The following TYW1B variants were observed in gnomAD, a reference collection of about 807,000 sequenced individuals.
TYW1B encodes tRNA-yW synthesizing protein 1 homolog B.
TYW1B carries 73 observed loss-of-function variants against 86.9 expected under a neutral mutation model. The ratio of observed to expected loss-of-function variants is 0.84; its 90% CI spans 0.70 to 1.02. The LOEUF (loss-of-function observed/expected upper bound fraction) is 1.02. Among genes scored for constraint, TYW1B ranks in the 50% least tolerant of loss-of-function variants. The pLI is 0.00. For missense variants in TYW1B, 637 were observed against 827.4 expected, an observed-to-expected ratio of 0.77 and a Z score of 2.82; for synonymous variants, 248 against 292.8, an observed-to-expected ratio of 0.85 and a Z score of 1.56.
At chr7:72,669,286 A>T (rs1490253157) in intron 11 of TYW1B, among the ~76,000 whole-genome samples, 1 of 151,664 alleles carries the variant, frequency 6.6e-6, no homozygotes, top group Non-Finnish European at 1.5e-5. Flanking sequence ...CTCAGATCAC[A>T]GGCGCCTGCC....
chr7:72,584,038 A>C (rs1441953983), intron 13 of TYW1B, among the ~76,000 whole-genome samples: 1 of 152,172 alleles, frequency 6.6e-6, no homozygotes, highest in African/African-American at 2.4e-5. Flanking sequence ...AACGGCAAAG[A>C]GAGGCTTTTT....
chr7:72,671,912 A>C (rs1263072191), intron 11 of TYW1B, among the ~76,000 whole-genome samples: 2 of 151,544 alleles, frequency 1.3e-5, no homozygotes, highest in African/African-American at 2.4e-5. Context: ...GAAAAATTCA[A>C]GGAAAGAATA....
chr7:72,731,199 G>A (rs111758389), intron 8 of TYW1B, among the ~76,000 whole-genome samples: 5,928 of 148,726 alleles, frequency 0.04, 147 homozygotes, highest in Non-Finnish European at 0.058. Flanking sequence ...AAAGCCTGTC[G>A]CAGACAAGTA....
intron 11 of TYW1B, among the ~76,000 whole-genome samples, chr7:72,660,559 T>A (rs1813304626): frequency 6.6e-6 from 1 of 152,196 alleles, no homozygotes; most frequent in Non-Finnish European, 1.5e-5. Flanking sequence ...TCCGACACAA[T>A]GATTCTTGTT....
At chr7:72,771,639 T>TG (rs1254415100) in intron 7 of TYW1B, among the ~76,000 whole-genome samples, 6 of 150,878 alleles carry the variant, frequency 4.0e-5, no homozygotes, top group African/African-American at 1.2e-4. Flanking sequence ...ATAACCTGAG[T>TG]GGAAAAGCAG....
intron 11 of TYW1B, among the ~76,000 whole-genome samples, chr7:72,656,345 A>C (rs1339759427): frequency 6.6e-6 from 1 of 152,214 alleles, no homozygotes; most frequent in African/African-American, 2.4e-5. Flanking sequence ...AATTGGAAGA[A>C]GGGATCATTA....
intron 9 of TYW1B, among the ~76,000 whole-genome samples, chr7:72,719,153 T>C (rs1363012135): frequency 2.0e-5 from 3 of 151,812 alleles, no homozygotes; most frequent in Non-Finnish European, 4.4e-5. Flanking sequence ...CAATTATTAT[T>C]ATTTTTTTTT....
At chr7:72,770,892 T>G (rs2129571887) in intron 7 of TYW1B, among the ~76,000 whole-genome samples, 1 of 151,512 alleles carries the variant, frequency 6.6e-6, no homozygotes, top group Middle Eastern at 3.4e-3. Flanking sequence ...AAAAATAGGT[T>G]GAGTTTAAGA....
intron 12 of TYW1B, among the ~76,000 whole-genome samples, chr7:72,628,067 G>A (rs1812393884): frequency 1.3e-5 from 2 of 152,114 alleles, no homozygotes; most frequent in Non-Finnish European, 2.9e-5. Context: ...CGAGGCAGGA[G>A]GGTCGCTTGA....
chr7:72,824,098 TTTAAC>T lies in TYW1B; in HGVS notation c.135+2752_135+2756del, dbSNP rs1293148026. 3.0e-4 allele frequency among the ~76,000 whole-genome samples: 46 copies of T among 151,990 alleles called. 1 individual carries two copies. The highest frequency in any genetic ancestry group is 1.0e-3 in the African/African-American group (43 of 41,424). On this transcript the variant is annotated intron_variant, in intron 2 of 13. Coordinates refer to ENST00000620995, the MANE Select transcript of TYW1B (RefSeq NM_001145440.3). ...GGTTTCCCACCTCCACTGCTTAAGG[TTTAAC>T]TTAACAACTGACCTTCGACTGTAAA...
intron 6 of TYW1B, among the ~76,000 whole-genome samples, chr7:72,788,021 A>C (rs1229300407): frequency 2.6e-5 from 4 of 151,922 alleles, no homozygotes; most frequent in African/African-American, 9.7e-5. Flanking sequence ...ACTGTCGCCC[A>C]GGCTGGAGTG....
At chr7:72,604,219 T>C (rs1454785624) in intron 13 of TYW1B, among the ~76,000 whole-genome samples, 3 of 152,096 alleles carry the variant, frequency 2.0e-5, no homozygotes, top group African/African-American at 4.8e-5. Context: ...TCCCAGCAAT[T>C]TGAGAGGCCA....
intron 11 of TYW1B, among the ~76,000 whole-genome samples, chr7:72,630,422 T>A (rs1812453158): frequency 6.6e-6 from 1 of 151,828 alleles, no homozygotes; most frequent in Non-Finnish European, 1.5e-5. Context: ...CATGATTACA[T>A]GCATCTGTAG....
At chr7:72,749,237 T>A (rs1554464414) in intron 7 of TYW1B, among the ~76,000 whole-genome samples, 1 of 152,226 alleles carries the variant, frequency 6.6e-6, no homozygotes, top group Non-Finnish European at 1.5e-5. Flanking sequence ...TCCCTTATCA[T>A]CTTTTCAATG....
chr7:72,654,741 C>T (rs543281684), intron 11 of TYW1B, among the ~76,000 whole-genome samples: 2 of 152,106 alleles, frequency 1.3e-5, no homozygotes, highest in East Asian at 1.9e-4. Context: ...ATTAGCCAGG[C>T]GTGGTGGTTG....
chr7:72,798,001 TTA>T (rs1159796273), intron 6 of TYW1B, among the ~76,000 whole-genome samples: 9,480 of 79,318 alleles, frequency 0.12, 597 homozygotes, highest in East Asian at 0.41. Context: ...AAAATACTAT[TTA>T]TATATATACA....
chr7:72,781,700 C>T (rs1404936454), intron 6 of TYW1B, among the ~76,000 whole-genome samples: 2 of 152,164 alleles, frequency 1.3e-5, no homozygotes, highest in Non-Finnish European at 2.9e-5. Flanking sequence ...TAAGGGACGA[C>T]GGCAAAAGCC....
intron 7 of TYW1B, among the ~76,000 whole-genome samples, chr7:72,762,236 T>A (rs1015147146): frequency 5.3e-5 from 8 of 152,194 alleles, no homozygotes; most frequent in Non-Finnish European, 1.2e-4. Flanking sequence ...GGAGATGTAG[T>A]GTTTTTCATT....
At chr7:72,771,608 T>C (rs782183038) in intron 7 of TYW1B, among the ~76,000 whole-genome samples, 2 of 152,024 alleles carry the variant, frequency 1.3e-5, no homozygotes, top group Non-Finnish European at 2.9e-5. Flanking sequence ...GCTTCACCCC[T>C]GAGTGGCTCC....
Sources: allele counts gnomAD v4.1 joint callset (sites outside exome capture counted in the v4.1 genomes callset), GRCh38; gene constraint gnomAD v4.1.1; transcripts MANE v1.5; gene names NCBI Gene and HGNC (gene_info 2026-07-23, HGNC 2026-07-21).